RPAP2: variants seen among roughly 807,000 people sequenced by gnomAD.
RPAP2 encodes the protein putative RNA polymerase II subunit B1 CTD phosphatase RPAP2.
In RPAP2, 52 loss-of-function variants were observed where a neutral mutation model predicts 73.1. The ratio of observed to expected loss-of-function variants is 0.71; its 90% CI spans 0.57 to 0.90. The LOEUF is 0.90. Among genes scored for constraint, RPAP2 ranks in the 40% least tolerant of loss-of-function variants. The pLI is 0.00. For synonymous variants in RPAP2, 225 were observed against 242.1 expected (o/e 0.93, Z 0.65); for missense variants, 598 against 701.8 (o/e 0.85, Z 1.67).
At chr1:92,363,751 C>G in intron 11 of RPAP2, 1 of 355,980 alleles carries the variant, frequency 2.8e-6, no homozygotes, top group South Asian at 2.4e-5. Context: ...TTATGATGAT[C>G]TACTTCCACT....
chr1:92,318,060 T>C (rs989952133), intron 6 of RPAP2, among the ~76,000 whole-genome samples: 1 of 152,224 alleles, frequency 6.6e-6, no homozygotes, highest in African/African-American at 2.4e-5. Flanking sequence ...AGCCTAGCTC[T>C]ATTCTTCTGA....
In RPAP2 at chr1:92,333,400, A is replaced by G; in HGVS notation, c.1465A>G (p.Thr489Ala). ...TAAAAATGTGATTCAGCATGATTCC[A>G]CCTTTCCACTGATAGACTCAAGTTC... ...KSQDSEEHDS[T>A]FPLIDSSSQN... The change falls in exon 9 of 13, where the codon ACC becomes GCC. Residue 489 changes from threonine (T) to alanine (A), a missense_variant. Thr to Ala is a moderately conservative substitution (Grantham distance 58). Around this residue, in one of 3 missense-constraint regions of RPAP2, gnomAD observed 506 missense variants for 612.8 expected, o/e 0.83. Transcript: ENST00000610020. The G allele has an allele frequency of 1.2e-6, 2 of 1,612,804 alleles. No homozygotes were observed. Among genetic ancestry groups the G allele is most frequent in the Non-Finnish European group, 1.7e-6 (2 of 1,178,932 alleles).
chr1:92,381,019 G>C (rs1011704978), intron 12 of RPAP2, 146 bp downstream of exon 12: 1 of 602,514 alleles, frequency 1.7e-6, no homozygotes, highest in Non-Finnish European at 2.8e-6. Flanking sequence ...ATATCCCTTA[G>C]TTCTCAACTG....
At chr1:92,327,894 A>G (rs1024455516) in intron 8 of RPAP2, among the ~76,000 whole-genome samples, 6 of 152,200 alleles carry the variant, frequency 3.9e-5, no homozygotes, top group African/African-American at 1.4e-4. Context: ...GAAAAAGACT[A>G]TCTTTCCTTC....
intron 10 of RPAP2, among the ~76,000 whole-genome samples, chr1:92,342,385 AAGAGT>A (rs1201796307): frequency 1.3e-5 from 2 of 152,204 alleles, no homozygotes; most frequent in African/African-American, 4.8e-5. Context: ...GAGCAGAGGC[AAGAGT>A]AGAGAGATAT....
Position 92,387,093 on chromosome 1 carries a change from A to T in RPAP2, c.*82A>T. Reference sequence around the variant, plus strand: ...TAGCCGCCATGATGGTCTGGTGGTGACTGATAACTAGTTTTATTCCAAGAC... The same window carrying T: ...TAGCCGCCATGATGGTCTGGTGGTGTCTGATAACTAGTTTTATTCCAAGAC... On this transcript the variant is annotated 3_prime_UTR_variant, in exon 13 of 13. Transcript: ENST00000610020. 7.3e-7 allele frequency: 1 copy of T among 1,368,018 alleles called. No individual in the cohort carries two copies. Among genetic ancestry groups the T allele is most frequent in the Non-Finnish European group, 1.0e-6 (1 of 993,686 alleles). 84.7% of individuals were successfully genotyped at this position (1,368,018 alleles called of 1,614,324 possible).
chr1:92,308,959 CA>C (rs1384119362), intron 6 of RPAP2, among the ~76,000 whole-genome samples: 1 of 151,910 alleles, frequency 6.6e-6, no homozygotes, highest in Non-Finnish European at 1.5e-5. Context: ...GATTCTGTCT[CA>C]AAAATTAAAT....
chr1:92,366,608 C>A (rs1654945836), intron 11 of RPAP2, among the ~76,000 whole-genome samples: 1 of 152,126 alleles, frequency 6.6e-6, no homozygotes, highest in Admixed American at 6.6e-5. Flanking sequence ...AATCTTCTGC[C>A]TTTTCCTCAA....
intron 5 of RPAP2, among the ~76,000 whole-genome samples, chr1:92,306,943 A>G (rs540441633): frequency 6.6e-6 from 1 of 152,326 alleles, no homozygotes; most frequent in African/African-American, 2.4e-5. Flanking sequence ...CTGAAAGGAA[A>G]TGAGGGAATG....
chr1:92,321,042 A>G (rs1376729651), intron 7 of RPAP2, among the ~76,000 whole-genome samples: 1 of 152,250 alleles, frequency 6.6e-6, no homozygotes, highest in African/African-American at 2.4e-5. Context: ...AAGCATTAAT[A>G]TAAATTCCAA....
At position 92,398,584 on chromosome 1, in the gene RPAP2, T is replaced by C. The variant is rs191863967; in HGVS notation, c.*11573T>C. On this transcript the variant is annotated 3_prime_UTR_variant, in exon 13 of 13. Coordinates refer to ENST00000610020, the MANE Select transcript of RPAP2 (RefSeq NM_024813.3). ...AGTAAGCATTTCTAGAAGCACATTT[T>C]TGTTGGACTGAGGGTGGGGCAAGGA... The C allele has an allele frequency of 6.6e-6, 1 of 152,428 alleles. No individual in the cohort carries two copies. The highest frequency in any genetic ancestry group is 1.9e-4 in the East Asian group (1 of 5,196). 9.4% of individuals were successfully genotyped at this position (152,428 alleles called of 1,614,324 possible).
At chr1:92,320,728 T>C in intron 7 of RPAP2, 94 bp downstream of exon 7, 1 of 899,802 alleles carries the variant, frequency 1.1e-6, no homozygotes, top group South Asian at 1.7e-5. Context: ...GGACTTCCTG[T>C]GCTGATGCAT....
At chr1:92,385,200 A>C (rs1445419323) in intron 12 of RPAP2, among the ~76,000 whole-genome samples, 2 of 149,816 alleles carry the variant, frequency 1.3e-5, no homozygotes, top group African/African-American at 4.9e-5. Flanking sequence ...AGAGGTTTCT[A>C]TTTCAGACTG....
chr1:92,350,284 C>G (rs1557617989), intron 11 of RPAP2, among the ~76,000 whole-genome samples: 3 of 152,168 alleles, frequency 2.0e-5, no homozygotes, highest in Non-Finnish European at 2.9e-5. Flanking sequence ...AAAATGTCCT[C>G]TTATTCTTAT....
intron 12 of RPAP2, among the ~76,000 whole-genome samples, chr1:92,382,104 AT>A (rs1553156628): frequency 2.6e-5 from 4 of 151,968 alleles, no homozygotes; most frequent in East Asian, 1.9e-4. Flanking sequence ...TGAACTCATC[AT>A]TTTTTATGGC....
intron 8 of RPAP2, among the ~76,000 whole-genome samples, chr1:92,329,598 A>G (rs1652841135): frequency 6.6e-6 from 1 of 152,188 alleles, no homozygotes; most frequent in African/African-American, 2.4e-5. Flanking sequence ...TCTTGGAGCA[A>G]AAGTTCATGA....
At chr1:92,304,602 C>G (rs1651076579) in intron 5 of RPAP2, among the ~76,000 whole-genome samples, 1 of 152,106 alleles carries the variant, frequency 6.6e-6, no homozygotes, top group Non-Finnish European at 1.5e-5. Flanking sequence ...TGGCACAAAT[C>G]TGGGCAAATA....
intron 11 of RPAP2, among the ~76,000 whole-genome samples, chr1:92,362,317 TA>T (rs1654764938): frequency 6.6e-6 from 1 of 152,318 alleles, no homozygotes; most frequent in East Asian, 1.9e-4. Context: ...TAATTCCAGT[TA>T]ACCAATAAAG....
At chr1:92,365,948 C>T (rs1441283201) in intron 11 of RPAP2, among the ~76,000 whole-genome samples, 3 of 151,988 alleles carry the variant, frequency 2.0e-5, no homozygotes, top group Non-Finnish European at 4.4e-5. Flanking sequence ...TGCAACTTCA[C>T]AGAAAGGTTG....
Sources: gnomAD v4.1 joint callset for allele counts (sites outside exome capture counted in the v4.1 genomes callset) on GRCh38, gnomAD v4.1.1 for gene constraint, gnomAD v4.1.1 regional missense constraint, MANE v1.5 for transcripts, NCBI Gene and HGNC (gene_info 2026-07-23, HGNC 2026-07-21) for gene names.